BDH1: variants seen among roughly 807,000 people sequenced by gnomAD.
BDH1 encodes the protein D-beta-hydroxybutyrate dehydrogenase, mitochondrial.
BDH1 carries 30 observed loss-of-function variants against 33.1 expected under a neutral mutation model. That is an observed-to-expected ratio of 0.91 (90% CI 0.68 to 1.23). The LOEUF is 1.23. BDH1 is among the 50% of genes most tolerant of loss of function. The pLI is 0.00. For synonymous variants in BDH1, 190 were observed against 183.6 expected, an observed-to-expected ratio of 1.03 and a Z score of -0.28; for missense variants, 443 against 464.4, an observed-to-expected ratio of 0.95 and a Z score of 0.42.
At chr3:197,541,649 T>G (rs1249713598) in intron 3 of BDH1, among the ~76,000 whole-genome samples, 1 of 152,112 alleles carries the variant, frequency 6.6e-6, no homozygotes, top group Non-Finnish European at 1.5e-5. Flanking sequence ...TAGAATGATT[T>G]TTTTTTTCTT....
rs765243815 is a variant in BDH1 at position 197,519,852 on chromosome 3, G to T, written c.409+2788C>A. ...GCGTCCTGCGGGGGTCGGGGCCGGT[G>T]GCAGATGGCTCTGTGGCTCTCACCA... On this transcript the variant is annotated intron_variant, in intron 6 of 7. Transcript: ENST00000392379. 9.3e-4 allele frequency among the ~76,000 whole-genome samples: 141 copies of T among 152,092 alleles called. 1 individual carries two copies. Among genetic ancestry groups the T allele is most frequent in the Admixed American group, 1.3e-3 (20 of 15,286 alleles).
At chr3:197,548,877 A>C (rs930800309) in intron 2 of BDH1, among the ~76,000 whole-genome samples, 2 of 134,296 alleles carry the variant, frequency 1.5e-5, no homozygotes, top group African/African-American at 5.1e-5. Context: ...AAAAAAAACA[A>C]AAAAAACACA....
At chr3:197,519,492 CTTT>C (rs1243719330) in intron 6 of BDH1, among the ~76,000 whole-genome samples, 3 of 150,080 alleles carry the variant, frequency 2.0e-5, no homozygotes, top group Non-Finnish European at 4.4e-5. Context: ...GAAACCCCTT[CTTT>C]ACTAAAAAAA....
At chr3:197,542,877 G>A (rs927227401) in intron 3 of BDH1, among the ~76,000 whole-genome samples, 1 of 152,154 alleles carries the variant, frequency 6.6e-6, no homozygotes, top group African/African-American at 2.4e-5. Context: ...AGGTTCAGAA[G>A]ACGAGAGCTT....
In BDH1 at chr3:197,511,741, G is replaced by A; in HGVS notation, c.*154C>T. The A allele has an allele frequency of 1.4e-6, 1 of 725,794 alleles. No homozygotes were observed. The highest frequency in any genetic ancestry group is 2.2e-5 in the South Asian group (1 of 45,818). 45.0% of individuals were successfully genotyped at this position (725,794 alleles called of 1,614,324 possible). On this transcript the variant is annotated 3_prime_UTR_variant, in exon 8 of 8. Coordinates refer to ENST00000392379, the MANE Select transcript of BDH1 (RefSeq NM_203314.3). ...AGGCCCAAGTCACTCACTATGCAAAGAAGTCATTCCCTCTAGTTAGTGTTA... is the reference window on the plus strand; with the variant it reads ...AGGCCCAAGTCACTCACTATGCAAAAAAGTCATTCCCTCTAGTTAGTGTTA...
At position 197,525,221 on chromosome 3, in the gene BDH1, T is replaced by C. The variant is rs1713975254; in HGVS notation, c.268-2440A>G. Among the ~76,000 whole-genome samples the C allele has an allele frequency of 6.6e-6, 1 of 152,108 alleles. No homozygotes were observed. Among genetic ancestry groups the C allele is most frequent in the African/African-American group, 2.4e-5 (1 of 41,416 alleles). On this transcript the variant is annotated intron_variant, in intron 5 of 7. Coordinates refer to ENST00000392379, the MANE Select transcript of BDH1 (RefSeq NM_203314.3). This position sits in a 1 kb window ranked among gnomAD's most constrained non-coding sequence, Gnocchi z 4.9. ...GGCACACAGGTACCAGGAAAACACG[T>C]GTCTTGCTTTAATGCAGTCTTCCAC...
upstream of BDH1, among the ~76,000 whole-genome samples, chr3:197,559,738 A>G (rs1393308944): frequency 1.3e-5 from 2 of 152,240 alleles, no homozygotes; most frequent in Non-Finnish European, 2.9e-5. Flanking sequence ...TCTGACACAG[A>G]TAGTAGCAAG....
intron 3 of BDH1, chr3:197,538,575 C>T (rs940223710): frequency 6.1e-6 from 2 of 328,026 alleles, no homozygotes; most frequent in South Asian, 4.9e-5. Flanking sequence ...TGGTCTCGAA[C>T]TCCTGACCTC....
chr3:197,512,052 G>T lies in BDH1; in HGVS notation c.875C>A (p.Ser292Tyr). The T allele has an allele frequency of 6.2e-7, 1 of 1,614,196 alleles. No homozygotes were observed. Among genetic ancestry groups the T allele is most frequent in the Non-Finnish European group, 8.5e-7 (1 of 1,180,032 alleles). ...AKMETYCSSG[S>Y]TDTSPVIDAV... The stretch of plus-strand genomic sequence containing the variant: ...ATCGATGACAGGGGACGTGTCTGTG[G>T]AGCCACTGCTGCAGTAGGTCTCCAT... Residue 292 changes from serine to tyrosine, a missense_variant, in exon 8 of 8, where the codon TCC (serine) becomes TAC (tyrosine). Ser to Tyr is a moderately radical substitution (Grantham distance 144). Transcript: ENST00000392379.
At chr3:197,541,475 C>T (rs988331035) in intron 3 of BDH1, among the ~76,000 whole-genome samples, 64 of 151,236 alleles carry the variant, frequency 4.2e-4, no homozygotes, top group Non-Finnish European at 2.1e-4. Context: ...ATACCATGTC[C>T]AGGAATTGCT....
At chr3:197,551,872 T>C (rs59235947) in intron 2 of BDH1, among the ~76,000 whole-genome samples, 15,343 of 152,134 alleles carry the variant, frequency 0.1, 987 homozygotes, top group African/African-American at 0.17. Flanking sequence ...CCAGATCAAG[T>C]GGGCATTTTT....
intron 3 of BDH1, chr3:197,543,242 A>G: frequency 2.1e-6 from 2 of 942,424 alleles, no homozygotes; most frequent in Non-Finnish European, 2.5e-6. Context: ...TCACGGCAGC[A>G]TCTGTGAAAA....
intron 3 of BDH1, 88 bp from the exon 4 acceptor site, chr3:197,533,649 C>T: frequency 1.5e-6 from 2 of 1,304,506 alleles, no homozygotes; most frequent in Non-Finnish European, 2.2e-6. Context: ...GGTGTCTCTC[C>T]AGCCCCGGCT....
At chr3:197,564,393 A>AT (rs141025834) in intron 1 of BDH1, among the ~76,000 whole-genome samples, 3 of 150,446 alleles carry the variant, frequency 2.0e-5, no homozygotes, top group African/African-American at 2.4e-5. Context: ...CTGAGATTAA[A>AT]TTTTTTTTTT....
chr3:197,519,691 T>C (rs927481090), intron 6 of BDH1, among the ~76,000 whole-genome samples: 3 of 151,950 alleles, frequency 2.0e-5, no homozygotes, highest in African/African-American at 7.3e-5. Context: ...AATTAATTAA[T>C]GTTGACTGAC....
intron 2 of BDH1, among the ~76,000 whole-genome samples, chr3:197,553,703 G>A (rs1454308712): frequency 1.3e-5 from 2 of 152,152 alleles, no homozygotes; most frequent in African/African-American, 4.8e-5. Flanking sequence ...AGTCATGAGG[G>A]TTGTATATTG....
chr3:197,564,103 A>AAAAAAG (rs1378795047), intron 1 of BDH1, among the ~76,000 whole-genome samples: 36 of 151,230 alleles, frequency 2.4e-4, no homozygotes, highest in African/African-American at 8.7e-4. Context: ...TCATCTAAAA[A>AAAAAAG]AAAAAAAAAA....
Position 197,573,226 on chromosome 3 carries a change from C to A in BDH1, c.-89G>T, listed in dbSNP as rs982191024. 8 of 152,340 alleles carry A rather than the reference C, an allele frequency of 5.3e-5. No homozygotes were observed. The East Asian group carries it at 1.5e-3, about 29-fold the overall frequency. 9.4% of individuals were successfully genotyped at this position (152,340 alleles called of 1,614,324 possible). A position where few individuals can be genotyped will look rare whatever the true frequency, so the allele number is the denominator to read the frequency against. ...GCACTATCAGCATGCAGGATCCTCT[C>A]CAGGCAAGTGACCAGCCGGATCCTC... On this transcript the variant is annotated 5_prime_UTR_variant, in exon 1 of 7. Coordinates refer to the BDH1 transcript ENST00000358186.
chr3:197,545,907 C>T (rs769076805), intron 3 of BDH1, among the ~76,000 whole-genome samples: 15 of 152,128 alleles, frequency 9.9e-5, no homozygotes, highest in Non-Finnish European at 1.3e-4. Flanking sequence ...GAGGCCAAGG[C>T]GGGTGGATCA....
Sources: gnomAD v4.1 joint callset for allele counts (sites outside exome capture counted in the v4.1 genomes callset) on GRCh38, gnomAD v4.1.1 for gene constraint, Gnocchi (gnomAD v3.1) non-coding constraint, MANE v1.5 for transcripts, NCBI Gene and HGNC (gene_info 2026-07-23, HGNC 2026-07-21) for gene names.